RBFOX1: variants seen among roughly 807,000 people sequenced by gnomAD.
RBFOX1 encodes RNA binding protein fox-1 homolog 1.
Under a neutral mutation model 57.7 loss-of-function variants are expected in RBFOX1, and 8 were observed. The observed-to-expected ratio is 0.14, with a 90% confidence interval of 0.08 to 0.25. The LOEUF is 0.25. RBFOX1 is among the 10% of genes least tolerant of loss of function. RBFOX1 has a pLI of 1.00. For missense variants in RBFOX1, 611 were observed against 548.5 expected (o/e 1.11, Z -1.14); for synonymous variants, 326 against 222.4 (o/e 1.47, Z -4.15).
At chr16:5,982,142 C>G (rs536862098) in intron 4 of RBFOX1, among the ~76,000 whole-genome samples, 2 of 152,280 alleles carry the variant, frequency 1.3e-5, no homozygotes, top group East Asian at 1.9e-4. Context: ...GGCATGTGGT[C>G]CCATTGACCC....
At chr16:7,088,944 ACT>A (rs750913095) in intron 4 of RBFOX1, among the ~76,000 whole-genome samples, 33 of 152,232 alleles carry the variant, frequency 2.2e-4, no homozygotes, top group Non-Finnish European at 4.3e-4. Context: ...CTCTGGTTCA[ACT>A]CAGATCTATG....
intron 4 of RBFOX1, among the ~76,000 whole-genome samples, chr16:7,178,228 A>G (rs1051979155): frequency 6.6e-6 from 1 of 152,274 alleles, no homozygotes; most frequent in African/African-American, 2.4e-5. Context: ...ACAGTGACCT[A>G]GTGATTCAAT....
intron 4 of RBFOX1, among the ~76,000 whole-genome samples, chr16:7,219,663 G>T (rs1471105357): frequency 6.6e-6 from 1 of 152,152 alleles, no homozygotes; most frequent in Non-Finnish European, 1.5e-5. Flanking sequence ...GAGTAAAACT[G>T]GCTCCTCTGC....
intron 3 of RBFOX1, among the ~76,000 whole-genome samples, chr16:6,658,044 A>G (rs2098672919): frequency 2.0e-5 from 3 of 151,792 alleles, no homozygotes; most frequent in African/African-American, 7.3e-5. Context: ...TATCTTCTTG[A>G]TAGAAGAATT....
At chr16:7,000,470 C>T (rs1469575991) in intron 3 of RBFOX1, among the ~76,000 whole-genome samples, 1 of 151,428 alleles carries the variant, frequency 6.6e-6, no homozygotes, top group Non-Finnish European at 1.5e-5. Context: ...TAATTGCATT[C>T]TTTCTTCTTT....
intron 4 of RBFOX1, among the ~76,000 whole-genome samples, chr16:7,366,712 G>T (rs1014645673): frequency 6.6e-6 from 1 of 151,734 alleles, no homozygotes; most frequent in South Asian, 2.1e-4. Flanking sequence ...TATTAAAATG[G>T]TGCCAGAGAC....
chr16:6,909,460 G>C (rs2070982460), intron 3 of RBFOX1, among the ~76,000 whole-genome samples: 1 of 152,208 alleles, frequency 6.6e-6, no homozygotes, highest in South Asian at 2.1e-4. Flanking sequence ...ACCTTTCAGA[G>C]ATTACGATGC....
rs532163233 is a variant in RBFOX1, at chr16:6,097,523, C to T, written c.-127+77531C>T. ...ACCAGCAATCTGTGCTTTCAACAAG[C>T]TCTCTGAGTGCTTCTTCTGAATGTT... On this transcript the variant is annotated intron_variant, in intron 1 of 15. Transcript: ENST00000550418. The surrounding 1 kb of genome is among the most constrained non-coding windows in gnomAD (Gnocchi z 5.0). Among the ~76,000 whole-genome samples, 1 of 152,298 alleles carries T rather than the reference C, an allele frequency of 6.6e-6. No homozygotes were observed. Among genetic ancestry groups the T allele is most frequent in the South Asian group, 2.1e-4 (1 of 4,826 alleles).
intron 3 of RBFOX1, among the ~76,000 whole-genome samples, chr16:6,724,448 TCCAC>T (rs772679393): frequency 1.4e-4 from 22 of 152,162 alleles, no homozygotes; most frequent in Middle Eastern, 3.4e-3. Context: ...CCTCAGGTGA[TCCAC>T]CCACCTCGTC....
intron 4 of RBFOX1, among the ~76,000 whole-genome samples, chr16:7,195,617 G>C (rs1602591375): frequency 6.6e-6 from 1 of 152,272 alleles, no homozygotes; most frequent in African/African-American, 2.4e-5. Flanking sequence ...GAGTGCAGTG[G>C]TGGGATCTCA....
At chr16:7,037,651 T>A (rs2044916282) in intron 3 of RBFOX1, among the ~76,000 whole-genome samples, 1 of 152,240 alleles carries the variant, frequency 6.6e-6, no homozygotes, top group South Asian at 2.1e-4. Flanking sequence ...CTCTTCTAAT[T>A]GCTTTGCAAA....
intron 1 of RBFOX1, among the ~76,000 whole-genome samples, chr16:6,283,761 A>G (rs2076629027): frequency 6.6e-6 from 1 of 152,144 alleles, no homozygotes; most frequent in Non-Finnish European, 1.5e-5. Flanking sequence ...CTTTCTTTGC[A>G]GTACTCTAAT....
intron 4 of RBFOX1, among the ~76,000 whole-genome samples, chr16:7,468,741 G>A (rs1558340): frequency 0.4 from 60,034 of 151,896 alleles, 12,169 homozygotes; most frequent in Non-Finnish European, 0.45. Context: ...CAGCCTCTGA[G>A]CAGGGATTTA....
intron 1 of RBFOX1, among the ~76,000 whole-genome samples, chr16:5,428,599 C>T (rs1221577518): frequency 6.6e-6 from 1 of 152,084 alleles, no homozygotes; most frequent in Non-Finnish European, 1.5e-5. Flanking sequence ...CCAGGAAGGA[C>T]TGACGTTAGC....
intron 3 of RBFOX1, among the ~76,000 whole-genome samples, chr16:6,871,173 A>G (rs1021904241): frequency 3.9e-5 from 6 of 152,154 alleles, no homozygotes; most frequent in Admixed American, 3.9e-4. Flanking sequence ...GTTTAATTCC[A>G]TGTTTCAGAA....
At chr16:7,554,663 A>AT (rs1301168948) in intron 5 of RBFOX1, among the ~76,000 whole-genome samples, 215 of 150,672 alleles carry the variant, frequency 1.4e-3, no homozygotes, top group African/African-American at 4.7e-3. Flanking sequence ...TTTTTTTTTA[A>AT]TTTTTTTATT....
intron 3 of RBFOX1, among the ~76,000 whole-genome samples, chr16:5,630,962 T>G (rs1455393969): frequency 6.6e-6 from 1 of 152,210 alleles, no homozygotes; most frequent in Admixed American, 6.5e-5. Flanking sequence ...AATGGCAACA[T>G]TTGACATTTA....
chr16:6,113,661 G>A (rs746081120), intron 1 of RBFOX1, among the ~76,000 whole-genome samples: 2 of 152,230 alleles, frequency 1.3e-5, no homozygotes, highest in Admixed American at 6.5e-5. Context: ...GGACACCAGA[G>A]GGGTATGAGG....
At chr16:5,999,267 C>G (rs1218935104) in intron 4 of RBFOX1, among the ~76,000 whole-genome samples, 1 of 152,188 alleles carries the variant, frequency 6.6e-6, no homozygotes, top group Non-Finnish European at 1.5e-5. Flanking sequence ...ACATACTTTT[C>G]TGACTGCCTA....
Sources: gnomAD v4.1 joint callset for allele counts (sites outside exome capture counted in the v4.1 genomes callset) on GRCh38, gnomAD v4.1.1 for gene constraint, Gnocchi (gnomAD v3.1) non-coding constraint, MANE v1.5 for transcripts, NCBI Gene and HGNC (gene_info 2026-07-23, HGNC 2026-07-21) for gene names.